GNA14: variants seen among roughly 807,000 people sequenced by gnomAD.
GNA14 encodes G protein subunit alpha 14, also known as guanine nucleotide-binding protein subunit alpha-14.
A neutral mutation model predicts 42.0 loss-of-function variants in GNA14; 50 were observed. The observed-to-expected ratio is 1.19, with a 90% CI of 0.95 to 1.51. The LOEUF is 1.51. GNA14 is among the 40% of genes most tolerant of loss of function. The pLI is 0.00. For synonymous variants in GNA14, 173 were observed against 163.1 expected (o/e 1.06, Z -0.46); for missense variants, 473 against 446.2 (o/e 1.06, Z -0.54).
chr9:77,434,936 G>C (rs905181094), intron 2 of GNA14, among the ~76,000 whole-genome samples: 1 of 151,908 alleles, frequency 6.6e-6, no homozygotes, highest in Admixed American at 6.6e-5. Context: ...GCACACCAAG[G>C]TTTGGGTGGT....
chr9:77,591,919 T>C (rs1362369567), intron 1 of GNA14, among the ~76,000 whole-genome samples: 1 of 19,708 alleles, frequency 5.1e-5, no homozygotes, highest in South Asian at 9.9e-4. Flanking sequence ...TGTTTTTTGG[T>C]TTTTTTTTTT....
chr9:77,606,915 G>T (rs2117932458), intron 1 of GNA14, among the ~76,000 whole-genome samples: 1 of 152,264 alleles, frequency 6.6e-6, no homozygotes, highest in East Asian at 1.9e-4. Context: ...ATAAGAACAG[G>T]AAGAGACACC....
At chr9:77,503,282 G>A in intron 2 of GNA14, among the ~76,000 whole-genome samples, 1 of 152,082 alleles carries the variant, frequency 6.6e-6, no homozygotes, top group East Asian at 1.9e-4. Context: ...CCCACTGCAG[G>A]GCAGTTGTAA....
chr9:77,448,286 G>A (rs970881037), intron 2 of GNA14, among the ~76,000 whole-genome samples: 2 of 152,202 alleles, frequency 1.3e-5, no homozygotes, highest in Non-Finnish European at 2.9e-5. Context: ...TTGACTGAAC[G>A]ATTTTCTGAC....
At chr9:77,520,561 CTTAT>C (rs144332892) in intron 2 of GNA14, among the ~76,000 whole-genome samples, 38 of 151,876 alleles carry the variant, frequency 2.5e-4, no homozygotes, top group Admixed American at 7.2e-4. Flanking sequence ...AAGTTGAATA[CTTAT>C]TTATTTATTT....
chr9:77,587,745 G>A (rs998802070), intron 1 of GNA14, among the ~76,000 whole-genome samples: 1 of 152,132 alleles, frequency 6.6e-6, no homozygotes, highest in Non-Finnish European at 1.5e-5. Flanking sequence ...ACTAAATGCC[G>A]CTGAATTGTT....
chr9:77,498,240 G>A (rs919942750), intron 2 of GNA14, among the ~76,000 whole-genome samples: 4 of 151,836 alleles, frequency 2.6e-5, no homozygotes, highest in Non-Finnish European at 5.9e-5. Context: ...GGGGGTGATG[G>A]TGCAGGCCTG....
chr9:77,577,999 G>A (rs1252481446), intron 1 of GNA14, among the ~76,000 whole-genome samples: 6 of 152,174 alleles, frequency 3.9e-5, no homozygotes, highest in Admixed American at 3.3e-4. Context: ...CAGGCGCGGT[G>A]GCTCATGCCT....
intron 3 of GNA14, among the ~76,000 whole-genome samples, chr9:77,432,385 C>A (rs1835570851): frequency 6.6e-6 from 1 of 152,194 alleles, no homozygotes; most frequent in Admixed American, 6.5e-5. Context: ...GATACAGTCC[C>A]AGGGCTTATC....
chr9:77,625,358 G>C (rs905371178), intron 1 of GNA14, among the ~76,000 whole-genome samples: 5 of 152,100 alleles, frequency 3.3e-5, no homozygotes, highest in Non-Finnish European at 7.3e-5. Flanking sequence ...CCCCCACCTA[G>C]CAAGACAGGC....
At chr9:77,597,032 C>T (rs1823477123) in intron 1 of GNA14, among the ~76,000 whole-genome samples, 1 of 152,214 alleles carries the variant, frequency 6.6e-6, no homozygotes, top group South Asian at 2.1e-4. Context: ...AACAGGACCT[C>T]CTGAGGCTGT....
intron 1 of GNA14, among the ~76,000 whole-genome samples, chr9:77,552,170 CACAA>C (rs1009936935): frequency 2.0e-4 from 29 of 142,734 alleles, no homozygotes; most frequent in Admixed American, 1.1e-3. Context: ...AGAAATTCAA[CACAA>C]ACAATCAATT....
At chr9:77,452,691 G>A (rs1001949887) in intron 2 of GNA14, among the ~76,000 whole-genome samples, 6 of 5,578 alleles carry the variant, frequency 1.1e-3, no homozygotes, top group African/African-American at 3.7e-3. Flanking sequence ...CTTAGGGCAG[G>A]GATCTGCTGT....
At position 77,648,209 on chromosome 9, in the gene GNA14, G is replaced by T. The variant is rs1824393213; in HGVS notation, c.-416C>A. On this transcript the variant is annotated 5_prime_UTR_variant, in exon 1 of 7. Transcript: ENST00000341700. ...GAGAGTAGGATCTCCTGGGCCTAGG[G>T]GTGTCCCCAGGCGGGAGGTAGGCGC... 2.9e-5 allele frequency: 7 copies of T among 242,318 alleles called. No individual in the cohort carries two copies. The highest frequency in any genetic ancestry group is 5.9e-5 in the Admixed American group (1 of 16,874). The allele number at this position is 242,318 out of a possible 1,614,324, so 15.0% of individuals were successfully genotyped here.
chr9:77,496,592 G>C (rs567205206), intron 2 of GNA14, among the ~76,000 whole-genome samples: 2 of 152,314 alleles, frequency 1.3e-5, no homozygotes, highest in East Asian at 3.9e-4. Context: ...CAATGAAACA[G>C]GAGAGCTGTG....
intron 2 of GNA14, among the ~76,000 whole-genome samples, chr9:77,440,413 T>G (rs776002086): frequency 1.3e-5 from 2 of 152,220 alleles, no homozygotes; most frequent in Admixed American, 6.5e-5. Context: ...TCCTGCCCTA[T>G]GAATGCCCCA....
intron 1 of GNA14, among the ~76,000 whole-genome samples, chr9:77,610,772 G>C (rs976763331): frequency 6.6e-6 from 1 of 152,136 alleles, no homozygotes; most frequent in Admixed American, 6.5e-5. Context: ...GACTAGAACA[G>C]AGAAGAACAA....
Position 77,479,545 on chromosome 9 carries a change from T to A in GNA14, c.310-45023A>T, listed in dbSNP as rs535534653. The stretch of plus-strand genomic sequence containing the variant: ...CCATATGAACTTTAAAGTAGTTTTA[T>A]CCAATTCTTTGAAGAAAGTCATTGG... On this transcript the variant is annotated intron_variant, in intron 2 of 6. Transcript: ENST00000341700. Among the ~76,000 whole-genome samples, 7 of 152,334 alleles carry A rather than the reference T, an allele frequency of 4.6e-5. No homozygotes were observed. In the South Asian group the frequency reaches 1.4e-3, roughly 32 times the overall value.
intron 2 of GNA14, among the ~76,000 whole-genome samples, chr9:77,522,690 T>C (rs932317381): frequency 1.3e-5 from 2 of 152,168 alleles, no homozygotes; most frequent in Admixed American, 6.5e-5. Flanking sequence ...TCAATCCACA[T>C]GCTCTGGCTG....
Sources: gnomAD v4.1 joint callset for allele counts (sites outside exome capture counted in the v4.1 genomes callset) on GRCh38, gnomAD v4.1.1 for gene constraint, MANE v1.5 for transcripts, NCBI Gene and HGNC (gene_info 2026-07-23, HGNC 2026-07-21) for gene names.